Variants in BCL11A observed in about 807,000 individuals in gnomAD.
BCL11A encodes the protein BCL11 transcription factor A.
A neutral mutation model predicts 55.9 loss-of-function variants in BCL11A; 2 were observed. The observed-to-expected ratio is 0.04, with a 90% confidence interval of 0.01 to 0.11. The LOEUF (loss-of-function observed/expected upper bound fraction) is 0.11, where lower values mean the gene tolerates loss of function less well. BCL11A is among the 10% of genes least tolerant of loss of function. The pLI, the probability that BCL11A is intolerant of heterozygous loss-of-function variation, is 1.00. For missense variants in BCL11A, 817 were observed against 1,137.1 expected, an observed-to-expected ratio of 0.72 and a Z score of 4.05; for synonymous variants, 465 against 473.4, an observed-to-expected ratio of 0.98 and a Z score of 0.23.
chr2:60,472,168 ACAGGTCCAGGCTCTCCAT>A (rs1677241415), intron 2 of BCL11A, among the ~76,000 whole-genome samples: 3 of 152,202 alleles, frequency 2.0e-5, no homozygotes, highest in African/African-American at 7.2e-5. Context: ...AGGACAGGGA[ACAGGTCCAGGCTCTCCAT>A]CAGGTCCAGG....
intron 2 of BCL11A, among the ~76,000 whole-genome samples, chr2:60,506,731 G>C (rs1280547581): frequency 2.0e-5 from 3 of 152,180 alleles, no homozygotes; most frequent in African/African-American, 7.2e-5. Flanking sequence ...CTAAACGCCT[G>C]ATATATATCC....
chr2:60,488,458 C>T (rs771073108), intron 2 of BCL11A, among the ~76,000 whole-genome samples: 11 of 152,174 alleles, frequency 7.2e-5, no homozygotes, highest in South Asian at 2.1e-4. Context: ...AAAGGACACA[C>T]GTAGGTACTG....
At chr2:60,520,702 A>G (rs925783476) in intron 2 of BCL11A, among the ~76,000 whole-genome samples, 1 of 152,160 alleles carries the variant, frequency 6.6e-6, no homozygotes, top group African/African-American at 2.4e-5. Flanking sequence ...TGCATCAAAA[A>G]GAGCAGACAG....
chr2:60,496,907 G>A (rs1448972416), intron 2 of BCL11A, among the ~76,000 whole-genome samples: 3 of 152,130 alleles, frequency 2.0e-5, no homozygotes, highest in Admixed American at 2.0e-4. Context: ...TGTAAAGCAG[G>A]ACCCATTTCC....
intron 2 of BCL11A, among the ~76,000 whole-genome samples, chr2:60,484,848 T>C (rs776809457): frequency 4.7e-5 from 7 of 149,286 alleles, no homozygotes; most frequent in Admixed American, 6.7e-5. Context: ...GTGCTGGGGG[T>C]CTGGGGAGAT....
chr2:60,462,658 C>A (rs1470194736), intron 3 of BCL11A, among the ~76,000 whole-genome samples: 1 of 152,106 alleles, frequency 6.6e-6, no homozygotes, highest in Non-Finnish European at 1.5e-5. Flanking sequence ...ATATCCAATC[C>A]CCAAAGCAGA....
Position 60,474,181 on chromosome 2 carries a change from T to G in BCL11A, c.386-5348A>C, listed in dbSNP as rs188499250. Among the ~76,000 whole-genome samples, 220 of 152,260 alleles carry G rather than the reference T, an allele frequency of 1.4e-3. 1 individual carries two copies. In the Middle Eastern group the frequency reaches 0.031, roughly 21 times the overall value. ...GTTCTCCTCCTAGGCTTTTTCTCAA[T>G]AAAGGGAGGAAGTAGAGATGACATT... On this transcript the variant is annotated intron_variant, in intron 2 of 3. Transcript: ENST00000642384.
intron 2 of BCL11A, among the ~76,000 whole-genome samples, chr2:60,530,958 G>A (rs1040482755): frequency 6.6e-6 from 1 of 152,112 alleles, no homozygotes; most frequent in African/African-American, 2.4e-5. Context: ...CGCACCCTGG[G>A]ACCCCTGACA....
At chr2:60,494,964 T>G (rs551697336) in intron 2 of BCL11A, among the ~76,000 whole-genome samples, 1 of 152,234 alleles carries the variant, frequency 6.6e-6, no homozygotes, top group South Asian at 2.1e-4. Context: ...TGGTACCTGA[T>G]AGGTGCCTAT....
chr2:60,455,970 C>T (rs1675917064), downstream of BCL11A, among the ~76,000 whole-genome samples: 1 of 152,078 alleles, frequency 6.6e-6, no homozygotes, highest in Admixed American at 6.6e-5. Flanking sequence ...GTACCGCACG[C>T]CCACCCCACC....
chr2:60,542,543 T>C (rs1481365215), intron 2 of BCL11A: 2 of 152,230 alleles, frequency 1.3e-5, no homozygotes, highest in Non-Finnish European at 2.9e-5. Flanking sequence ...CAACATAAGC[T>C]GCTAATTCCC....
chr2:60,485,152 C>T (rs1037630989), intron 2 of BCL11A, among the ~76,000 whole-genome samples: 4 of 152,334 alleles, frequency 2.6e-5, no homozygotes, highest in African/African-American at 9.6e-5. Context: ...ATTTCCTAAA[C>T]AGGCCCCTTC....
chr2:60,457,341 T>G lies in BCL11A; in HGVS notation c.*3063A>C. 1 of 1,022,768 alleles carries G rather than the reference T, an allele frequency of 9.8e-7. No homozygotes were observed. The highest frequency in any genetic ancestry group is 1.2e-6 in the Non-Finnish European group (1 of 851,072). 63.4% of individuals were successfully genotyped at this position (1,022,768 alleles called of 1,614,324 possible). A position where few individuals can be genotyped will look rare whatever the true frequency, so the allele number is the denominator to read the frequency against. ...GAAACAAATACAATAAAAAGCCAGGTTGTAATGACCTTTGGTCATCTAAAT... is the reference window on the plus strand; with the variant it reads ...GAAACAAATACAATAAAAAGCCAGGGTGTAATGACCTTTGGTCATCTAAAT... On this transcript the variant is annotated 3_prime_UTR_variant, in exon 4 of 4. Coordinates refer to ENST00000642384, the MANE Select transcript of BCL11A (RefSeq NM_022893.4).
rs192273439 is a variant in BCL11A at position 60,542,172 on chromosome 2, T to A, written c.385+3799A>T. On this transcript the variant is annotated intron_variant, in intron 2 of 3. Coordinates refer to ENST00000642384, the MANE Select transcript of BCL11A (RefSeq NM_022893.4). ...TGTTCATGATTTTAAAGAGAAAAAA[T>A]GTTATATATCAACAGGAGCAGACTT... is the stretch of plus-strand genomic sequence containing the variant. 48 of 324,794 alleles carry A rather than the reference T, an allele frequency of 1.5e-4. No homozygotes were observed. The East Asian group carries it at 1.9e-3, about 13-fold the overall frequency. The allele number at this position is 324,794 out of a possible 1,614,324, so 20.1% of individuals were successfully genotyped here. A position where few individuals can be genotyped will look rare whatever the true frequency, so the allele number is the denominator to read the frequency against.
intron 2 of BCL11A, among the ~76,000 whole-genome samples, chr2:60,492,582 C>T (rs905668028): frequency 2.6e-5 from 4 of 151,700 alleles, no homozygotes; most frequent in African/African-American, 9.7e-5. Flanking sequence ...AAATGCTCTG[C>T]TTATGGTGGA....
At chr2:60,487,787 G>T (rs1253859312) in intron 2 of BCL11A, among the ~76,000 whole-genome samples, 1 of 152,208 alleles carries the variant, frequency 6.6e-6, no homozygotes, top group Admixed American at 6.5e-5. Context: ...ATCTAAGGAA[G>T]CTGCAGAAAG....
intron 2 of BCL11A, chr2:60,542,725 C>T (rs1558512582): frequency 6.6e-6 from 1 of 152,130 alleles, no homozygotes; most frequent in Non-Finnish European, 1.5e-5. Context: ...TAAAAAGAAT[C>T]CTCTAAAAAA....
chr2:60,514,141 T>C (rs1489486216), intron 2 of BCL11A, among the ~76,000 whole-genome samples: 1 of 152,104 alleles, frequency 6.6e-6, no homozygotes, highest in Admixed American at 6.6e-5. Flanking sequence ...CCAAGCACTC[T>C]CTGAGAGGCT....
At chr2:60,472,243 A>G (rs1479793464) in intron 2 of BCL11A, among the ~76,000 whole-genome samples, 4 of 152,212 alleles carry the variant, frequency 2.6e-5, no homozygotes, top group African/African-American at 2.4e-5. Flanking sequence ...TGCCAGACAG[A>G]TTGTGTCCTC....
Sources: allele counts gnomAD v4.1 joint callset (sites outside exome capture counted in the v4.1 genomes callset), GRCh38; gene constraint gnomAD v4.1.1; transcripts MANE v1.5; gene names NCBI Gene and HGNC (gene_info 2026-07-23, HGNC 2026-07-21).